Variants in ELAVL2 observed in about 807,000 individuals in gnomAD.
ELAVL2 encodes ELAV like RNA binding protein 2.
Under a neutral mutation model 34.6 loss-of-function variants are expected in ELAVL2, and 4 were observed. That is an observed-to-expected ratio of 0.12 (90% CI 0.06 to 0.26). The LOEUF (loss-of-function observed/expected upper bound fraction) is 0.26. Ranked by LOEUF, ELAVL2 falls within the 10% of genes least tolerant of loss-of-function variation. The pLI is 1.00. For synonymous variants in ELAVL2, 193 were observed against 154.8 expected (o/e 1.25, Z -1.83); for missense variants, 432 against 442.8 (o/e 0.98, Z 0.22).
At chr9:23,793,332 A>T (rs1009528283) in intron 1 of ELAVL2, among the ~76,000 whole-genome samples, 1 of 152,146 alleles carries the variant, frequency 6.6e-6, no homozygotes, top group East Asian at 1.9e-4. Context: ...TTTCAGCTCC[A>T]CATAAATAGA....
chr9:23,791,441 C>T (rs576600575), intron 1 of ELAVL2, among the ~76,000 whole-genome samples: 1 of 152,308 alleles, frequency 6.6e-6, no homozygotes, highest in Non-Finnish European at 1.5e-5. Flanking sequence ...AAACCATAAT[C>T]TCCAACGTGA....
chr9:23,793,895 A>C (rs894625844), intron 1 of ELAVL2, among the ~76,000 whole-genome samples: 1 of 151,710 alleles, frequency 6.6e-6, no homozygotes, highest in Admixed American at 6.6e-5. Context: ...TTCTCTAATA[A>C]ATTTTGCTTA....
At chr9:23,794,167 C>T (rs1323038589) in intron 1 of ELAVL2, among the ~76,000 whole-genome samples, 1 of 152,214 alleles carries the variant, frequency 6.6e-6, no homozygotes, top group Non-Finnish European at 1.5e-5. Flanking sequence ...ATTCAAGCTG[C>T]TTCATGAGCT....
chr9:23,741,348 C>A (rs926389810), intron 2 of ELAVL2, among the ~76,000 whole-genome samples: 1 of 152,104 alleles, frequency 6.6e-6, no homozygotes, highest in African/African-American at 2.4e-5. Context: ...CAGGATGCAC[C>A]AAGCACTGAG....
At chr9:23,779,445 T>G in intron 1 of ELAVL2, 1 of 983,522 alleles carries the variant, frequency 1.0e-6, no homozygotes, top group Non-Finnish European at 1.2e-6. Flanking sequence ...TGAGGGAATA[T>G]GAAAGCTAGA....
intron 1 of ELAVL2, among the ~76,000 whole-genome samples, chr9:23,772,820 A>G (rs1019154749): frequency 1.3e-5 from 2 of 152,170 alleles, no homozygotes; most frequent in African/African-American, 2.4e-5. Context: ...TTCCCAAGAC[A>G]TGTATACTTG....
chr9:23,746,151 G>A (rs1317570184), intron 2 of ELAVL2, among the ~76,000 whole-genome samples: 1 of 152,154 alleles, frequency 6.6e-6, no homozygotes, highest in Non-Finnish European at 1.5e-5. Context: ...GCACTGACAA[G>A]TGACTTTATT....
intron 1 of ELAVL2, among the ~76,000 whole-genome samples, chr9:23,825,153 T>G (rs545669748): frequency 1.3e-5 from 2 of 152,178 alleles, no homozygotes; most frequent in African/African-American, 2.4e-5. Context: ...ATTATGATAA[T>G]TGGAGTCCGT....
intron 1 of ELAVL2, among the ~76,000 whole-genome samples, chr9:23,770,490 T>C (rs1485218030): frequency 6.6e-6 from 1 of 152,202 alleles, no homozygotes; most frequent in East Asian, 1.9e-4. Context: ...AAAGGGAGAT[T>C]ATCCTTGGTT....
chr9:23,710,154 C>T (rs932235181), intron 3 of ELAVL2, among the ~76,000 whole-genome samples: 19 of 152,040 alleles, frequency 1.2e-4, no homozygotes, highest in East Asian at 3.9e-4. Context: ...AAAATGGAAC[C>T]GTTTGAAATA....
chr9:23,711,377 A>T (rs1035440409), intron 3 of ELAVL2, among the ~76,000 whole-genome samples: 3 of 152,218 alleles, frequency 2.0e-5, no homozygotes, highest in Non-Finnish European at 2.9e-5. Flanking sequence ...CACGGAATAT[A>T]TTTGATAATG....
At chr9:23,702,758 C>G (rs1358996388) in intron 4 of ELAVL2, among the ~76,000 whole-genome samples, 1 of 151,692 alleles carries the variant, frequency 6.6e-6, no homozygotes, top group African/African-American at 2.4e-5. Flanking sequence ...TTATTACCAC[C>G]TGATGGCTGA....
intron 1 of ELAVL2, among the ~76,000 whole-genome samples, chr9:23,783,092 T>C (rs1388267833): frequency 6.6e-6 from 1 of 152,120 alleles, no homozygotes; most frequent in Non-Finnish European, 1.5e-5. Flanking sequence ...AACAAACTCT[T>C]ATCTCAAAAG....
chr9:23,796,969 G>C (rs747704828), intron 1 of ELAVL2, among the ~76,000 whole-genome samples: 1 of 150,810 alleles, frequency 6.6e-6, no homozygotes. Flanking sequence ...AATGAGGACA[G>C]GGACAATGGA....
chr9:23,704,888 A>G (rs757169095), intron 4 of ELAVL2, 30 bp downstream of exon 4: 2 of 1,612,138 alleles, frequency 1.2e-6, no homozygotes, highest in South Asian at 1.1e-5. Flanking sequence ...AGAGACAGGG[A>G]AAGACTGTCC....
rs770951769 is a variant in ELAVL2, at chr9:23,731,061, G to A, written c.294C>T (p.Asn98=). 6.2e-7 allele frequency: 1 copy of A among 1,613,222 alleles called. No homozygotes were observed. Among genetic ancestry groups the A allele is most frequent in the Admixed American group, 1.7e-5 (1 of 59,982 alleles). ...IDPKDAEKAI[N]TLNGLRLQTK... ...TTTGAAGTCTCAATCCATTCAGGGT[G>A]TTGATAGCTTTCTCTGCATCCTTGG... Residue 98 remains asparagine, a synonymous_variant, in exon 3 of 7, where the codon AAC becomes AAT. Transcript: ENST00000397312.
intron 3 of ELAVL2, among the ~76,000 whole-genome samples, chr9:23,719,822 A>AC (rs2043202985): frequency 7.5e-6 from 1 of 132,742 alleles, no homozygotes; most frequent in Admixed American, 8.1e-5. Flanking sequence ...TTTAAAAGCC[A>AC]CTTTTTTTTT....
At chr9:23,841,855 A>G in the ELAVL2 span, among the ~76,000 whole-genome samples, 4 of 152,170 alleles carry the variant, frequency 2.6e-5, no homozygotes, top group African/African-American at 9.6e-5. Context: ...TTTTTAATGT[A>G]TTTAACTTTC....
intron 1 of ELAVL2, 86 bp from the exon 2 acceptor site, chr9:23,762,335 T>TAA (rs2055222769): frequency 1.3e-6 from 2 of 1,509,892 alleles, no homozygotes; most frequent in Non-Finnish European, 1.8e-6. Flanking sequence ...CACTTGTCAC[T>TAA]AAACACAAGT....
Sources: gnomAD v4.1 joint callset for allele counts (sites outside exome capture counted in the v4.1 genomes callset) on GRCh38, gnomAD v4.1.1 for gene constraint, MANE v1.5 for transcripts, NCBI Gene and HGNC (gene_info 2026-07-23, HGNC 2026-07-21) for gene names.